The following GPRC6A variants were observed in gnomAD, a reference collection of about 807,000 sequenced individuals.
GPRC6A encodes the protein G protein-coupled receptor family C group 6 member A.
In GPRC6A, 54 loss-of-function variants were observed where a neutral mutation model predicts 47.0. That is an observed-to-expected ratio of 1.15 (90% CI 0.92 to 1.44). The LOEUF (loss-of-function observed/expected upper bound fraction) is 1.44, where lower values mean the gene tolerates loss of function less well. GPRC6A is among the 40% of genes most tolerant of loss of function. GPRC6A has a pLI of 0.00. For synonymous variants in GPRC6A, 347 were observed against 377.1 expected (o/e 0.92, Z 0.93); for missense variants, 1,112 against 1,105.5 (o/e 1.01, Z -0.08).
At chr6:116,812,886 A>G (rs1327667418) in intron 1 of GPRC6A, among the ~76,000 whole-genome samples, 2 of 152,226 alleles carry the variant, frequency 1.3e-5, no homozygotes, top group Admixed American at 6.5e-5. Context: ...AATCTCCTTA[A>G]GCTGATAAGC....
intron 1 of GPRC6A, among the ~76,000 whole-genome samples, chr6:116,827,093 G>A (rs563993077): frequency 5.8e-4 from 88 of 151,794 alleles, no homozygotes; most frequent in African/African-American, 1.9e-3. Flanking sequence ...TAGGTTAGTG[G>A]GTATAAACAT....
intron 1 of GPRC6A, among the ~76,000 whole-genome samples, chr6:116,820,357 A>C (rs900967279): frequency 5.3e-5 from 8 of 152,032 alleles, no homozygotes; most frequent in African/African-American, 4.8e-5. Flanking sequence ...AACTCATTTT[A>C]TGAGGCCAGC....
chr6:116,804,125 T>C (rs1006301261), intron 3 of GPRC6A, among the ~76,000 whole-genome samples: 1 of 151,954 alleles, frequency 6.6e-6, no homozygotes, highest in African/African-American at 2.4e-5. Flanking sequence ...TTATATATCA[T>C]CAGAAGTAAA....
At chr6:116,826,760 A>G (rs556382584) in intron 1 of GPRC6A, among the ~76,000 whole-genome samples, 82 of 151,976 alleles carry the variant, frequency 5.4e-4, no homozygotes, top group Non-Finnish European at 1.1e-3. Flanking sequence ...CATGCTTACC[A>G]TAACACTATT....
intron 2 of GPRC6A, among the ~76,000 whole-genome samples, chr6:116,807,931 T>A (rs1772906212): frequency 6.6e-6 from 1 of 152,106 alleles, no homozygotes; most frequent in South Asian, 2.1e-4. Context: ...TATTACCTTC[T>A]ATAGATGCAA....
chr6:116,824,735 C>G (rs983884653), intron 1 of GPRC6A, among the ~76,000 whole-genome samples: 1 of 152,002 alleles, frequency 6.6e-6, no homozygotes, highest in African/African-American at 2.4e-5. Context: ...CTCTCTAACT[C>G]ATTCTATGAG....
At chr6:116,800,296 TTC>T (rs1433096798) in intron 4 of GPRC6A, among the ~76,000 whole-genome samples, 2 of 120,758 alleles carry the variant, frequency 1.7e-5, no homozygotes, top group East Asian at 5.5e-4. Flanking sequence ...CTTCCTCTCT[TTC>T]TCTCTCTCCC....
chr6:116,818,768 G>C (rs1381225807), intron 1 of GPRC6A, among the ~76,000 whole-genome samples: 1 of 151,180 alleles, frequency 6.6e-6, no homozygotes, highest in Non-Finnish European at 1.5e-5. Flanking sequence ...AAAATGTAAA[G>C]ACCATCGAGA....
intron 1 of GPRC6A, among the ~76,000 whole-genome samples, chr6:116,820,595 C>T (rs1773431896): frequency 1.3e-5 from 2 of 148,258 alleles, no homozygotes; most frequent in African/African-American, 5.0e-5. Context: ...TAAACAGAGC[C>T]AAAGACAAAA....
At chr6:116,822,766 C>A (rs947610176) in intron 1 of GPRC6A, among the ~76,000 whole-genome samples, 1 of 148,878 alleles carries the variant, frequency 6.7e-6, no homozygotes, top group Admixed American at 6.7e-5. Flanking sequence ...TGCTAGATGA[C>A]GAGTTAGTGG....
intron 4 of GPRC6A, among the ~76,000 whole-genome samples, chr6:116,798,807 T>TGGGAGGCGGAAGTTGCA (rs1481044270): frequency 6.7e-6 from 1 of 149,374 alleles, no homozygotes; most frequent in Admixed American, 6.7e-5. Flanking sequence ...TGCTTGAACC[T>TGGGAGGCGGAAGTTGCA]GGGAGGCGGA....
rs1308612511 is a variant in GPRC6A at position 116,807,029 on chromosome 6, T to C, written c.676A>G (p.Asn226Asp). The C allele has an allele frequency of 2.5e-6, 4 of 1,613,646 alleles. No individual in the cohort carries two copies. The highest frequency in any genetic ancestry group is 3.4e-6 in the Non-Finnish European group (4 of 1,179,816). Residue 226 changes from asparagine to aspartate, a missense_variant, in exon 3 of 6, where the codon AAC (asparagine) becomes GAC (aspartate). Transcript: ENST00000310357. ...GCTTCAGCCTGAATTATAAAAGTGT[T>C]AAGAGCCAATCGTCCATAGTCATCA... ...TDDDYGRLAL[N>D]TFIIQAEANN...
intron 1 of GPRC6A, among the ~76,000 whole-genome samples, chr6:116,818,241 A>G (rs1402498377): frequency 6.6e-6 from 1 of 152,068 alleles, no homozygotes; most frequent in African/African-American, 2.4e-5. Flanking sequence ...ATTCTTAAAG[A>G]AAAGAATTTT....
Position 116,821,444 on chromosome 6 carries a change from A to T in GPRC6A, c.194+7376T>A, listed in dbSNP as rs1175596716. ...AGAACAAAGCTGGAGGCATCACGCT[A>T]CCTGACTTCAAACTATACTACAAGG... On this transcript the variant is annotated intron_variant, in intron 1 of 5. Coordinates refer to ENST00000310357, the MANE Select transcript of GPRC6A (RefSeq NM_148963.4). 2.0e-5 allele frequency among the ~76,000 whole-genome samples: 3 copies of T among 152,206 alleles called. No homozygotes were observed. The East Asian group carries it at 5.8e-4, about 29-fold the overall frequency.
chr6:116,813,146 A>C (rs1562484627), intron 1 of GPRC6A, among the ~76,000 whole-genome samples: 1 of 152,214 alleles, frequency 6.6e-6, no homozygotes, highest in East Asian at 1.9e-4. Flanking sequence ...ATGCTCATGG[A>C]TAGAAGCATC....
In GPRC6A at chr6:116,795,776, T is replaced by A; in HGVS notation, c.1608A>T (p.Arg536Ser). Residue 536 changes from arginine (R) to serine (S), a missense_variant, in exon 5 of 6, where the codon AGA becomes AGT. By Grantham distance (110) the Arg-to-Ser change is moderately radical (BLOSUM62 -1). Coordinates refer to ENST00000310357, the MANE Select transcript of GPRC6A (RefSeq NM_148963.4). ...CSPGQMKKTT[R>S]SQHICCYECQ... The stretch of plus-strand genomic sequence containing the variant: ...ATTCATAGCAACAGATGTGTTGACT[T>A]CTTGTAGTTTTCTTCATTTGCCCAG... 1 of 1,609,848 alleles carries A rather than the reference T, an allele frequency of 6.2e-7. No homozygotes were observed. Among genetic ancestry groups the A allele is most frequent in the Non-Finnish European group, 8.5e-7 (1 of 1,176,456 alleles).
At chr6:116,821,694 T>G (rs1773487170) in intron 1 of GPRC6A, among the ~76,000 whole-genome samples, 1 of 152,040 alleles carries the variant, frequency 6.6e-6, no homozygotes, top group South Asian at 2.1e-4. Context: ...CCTTACACCT[T>G]AGACAAAAAT....
rs1283570503 is a variant in GPRC6A at position 116,792,366 on chromosome 6, T to A, written c.2557A>T (p.Ile853Phe). ...INTKSAFLKM[I>F]YSYSSHSVSS... is the part of the protein sequence containing the mutation. ...ACACTATGGGAAGAATAACTGTAGATCATCTTGAGAAAGGCAGACTTTGTG... is the reference window on the plus strand; with the variant it reads ...ACACTATGGGAAGAATAACTGTAGAACATCTTGAGAAAGGCAGACTTTGTG... Residue 853 changes from isoleucine to phenylalanine, a missense_variant, in exon 6 of 6, where the codon ATC becomes TTC. Physicochemically the swap from Ile to Phe is conservative, Grantham distance 21 (BLOSUM62 0). Transcript: ENST00000310357. 2 of 1,614,004 alleles carry A rather than the reference T, an allele frequency of 1.2e-6. No homozygotes were observed. Among genetic ancestry groups the A allele is most frequent in the East Asian group, 4.5e-5 (2 of 44,874 alleles).
At chr6:116,820,764 C>A (rs1444494662) in intron 1 of GPRC6A, among the ~76,000 whole-genome samples, 30 of 150,616 alleles carry the variant, frequency 2.0e-4, no homozygotes, top group East Asian at 1.6e-3. Context: ...ACTGAATGGG[C>A]AAAAACTGGA....
Sources: gnomAD v4.1 joint callset for allele counts (sites outside exome capture counted in the v4.1 genomes callset) on GRCh38, gnomAD v4.1.1 for gene constraint, MANE v1.5 for transcripts, NCBI Gene and HGNC (gene_info 2026-07-23, HGNC 2026-07-21) for gene names.